The following CSPG4 variants were observed in gnomAD, a reference collection of about 807,000 sequenced individuals.
CSPG4 encodes the protein chondroitin sulfate proteoglycan 4, also known as chondroitin sulfate proteoglycan 4 (melanoma-associated).
Under a neutral mutation model 139.3 loss-of-function variants are expected in CSPG4, and 74 were observed. That is an observed-to-expected ratio of 0.53 (90% confidence interval 0.44 to 0.64). The LOEUF (loss-of-function observed/expected upper bound fraction) is 0.64. Ranked by LOEUF, CSPG4 falls within the 30% of genes least tolerant of loss-of-function variation. CSPG4 has a pLI of 0.00. For synonymous variants in CSPG4, 1,234 were observed against 1,394.2 expected (o/e 0.89, Z 2.56); for missense variants, 2,565 against 3,148.3 (o/e 0.81, Z 4.43).
At chr15:75,693,557 C>T (rs139698148) in intron 1 of CSPG4, among the ~76,000 whole-genome samples, 2 of 152,358 alleles carry the variant, frequency 1.3e-5, no homozygotes, top group East Asian at 3.9e-4. Flanking sequence ...CTCCCCTGGG[C>T]CCCAGAGGAG....
intron 5 of CSPG4, among the ~76,000 whole-genome samples, chr15:75,684,229 G>A (rs981086079): frequency 1.3e-5 from 2 of 152,222 alleles, no homozygotes; most frequent in South Asian, 2.1e-4. Flanking sequence ...TCCATCCCAC[G>A]TCTGGGCCTC....
intron 1 of CSPG4, among the ~76,000 whole-genome samples, chr15:75,697,275 C>T (rs138591431): frequency 0.014 from 2,182 of 152,208 alleles, 24 homozygotes; most frequent in South Asian, 0.034. Context: ...CTCTTTGGCT[C>T]CCTCTTCCCT....
chr15:75,684,280 C>T (rs941508594), intron 5 of CSPG4, among the ~76,000 whole-genome samples: 3 of 152,232 alleles, frequency 2.0e-5, no homozygotes, highest in Admixed American at 6.5e-5. Flanking sequence ...TCTGCCTGAG[C>T]GAAGTTCACC....
rs992648489 is a variant in CSPG4, at chr15:75,690,962, G to A, written c.253-150C>T. 15 of 812,062 alleles carry A rather than the reference G, an allele frequency of 1.8e-5. No individual in the cohort carries two copies. In the Admixed American group the frequency reaches 3.5e-4, roughly 19 times the overall value. The allele number at this position is 812,062 out of a possible 1,614,324, so 50.3% of individuals were successfully genotyped here. A position where few individuals can be genotyped will look rare whatever the true frequency, so the allele number is the denominator to read the frequency against. On this transcript the variant is annotated intron_variant, in intron 2 of 9. Coordinates refer to ENST00000308508, the MANE Select transcript of CSPG4 (RefSeq NM_001897.5). ...GGCCAAGGCAGGCGGATCACCTGAG[G>A]TTAGGAGTTTGAGACCAGCCTGGCC...
intron 2 of CSPG4, among the ~76,000 whole-genome samples, chr15:75,692,023 C>T (rs1475709387): frequency 6.6e-6 from 1 of 152,152 alleles, no homozygotes; most frequent in Non-Finnish European, 1.5e-5. Context: ...TTCTTGTTGC[C>T]CAGGCTGAAG....
intron 5 of CSPG4, 34 bp from the exon 6 acceptor site, chr15:75,683,075 C>A: frequency 6.3e-7 from 1 of 1,586,718 alleles, no homozygotes; most frequent in Non-Finnish European, 8.6e-7. Flanking sequence ...TTCTGCCTTG[C>A]CGCACTCACC....
upstream of CSPG4, among the ~76,000 whole-genome samples, chr15:75,713,435 G>T (rs1404504356): frequency 6.6e-6 from 1 of 152,212 alleles, no homozygotes; most frequent in African/African-American, 2.4e-5. Context: ...CAGGGCAGAA[G>T]AATTCTCAGT....
intron 1 of CSPG4, among the ~76,000 whole-genome samples, chr15:75,695,667 G>T (rs1205500156): frequency 6.6e-6 from 1 of 152,182 alleles, no homozygotes; most frequent in Non-Finnish European, 1.5e-5. Flanking sequence ...GAGGTGGTGG[G>T]GGGGCAGTTG....
At chr15:75,677,559 A>G in intron 9 of CSPG4, 144 bp downstream of exon 9, 1 of 1,205,978 alleles carries the variant, frequency 8.3e-7, no homozygotes, top group Non-Finnish European at 1.2e-6. Context: ...CTGTGATGTC[A>G]AAGCTTCCCC....
At chr15:75,692,624 G>T (rs1414691407) in intron 2 of CSPG4, among the ~76,000 whole-genome samples, 13 of 152,252 alleles carry the variant, frequency 8.5e-5, no homozygotes. Flanking sequence ...CAGTGCCACC[G>T]GGATGCACAG....
chr15:75,683,121 G>T, intron 5 of CSPG4, 80 bp from the exon 6 acceptor site: 3 of 1,399,948 alleles, frequency 2.1e-6, no homozygotes, highest in Non-Finnish European at 2.9e-6. Context: ...TGCCACCAGG[G>T]CTCCAGTCCT....
intron 8 of CSPG4, 131 bp downstream of exon 8, chr15:75,682,162 C>T: frequency 8.3e-7 from 1 of 1,207,034 alleles, no homozygotes; most frequent in Non-Finnish European, 1.2e-6. Flanking sequence ...AGCGCCTGGA[C>T]AATGGCAGGC....
chr15:75,702,010 C>T (rs931363587), intron 1 of CSPG4, among the ~76,000 whole-genome samples: 15 of 152,224 alleles, frequency 9.9e-5, no homozygotes, highest in East Asian at 1.9e-4. Flanking sequence ...ATCCATAAGG[C>T]GGCTGGCCAC....
intron 1 of CSPG4, among the ~76,000 whole-genome samples, chr15:75,709,687 C>G (rs1164832932): frequency 2.0e-5 from 3 of 152,152 alleles, no homozygotes; most frequent in Non-Finnish European, 4.4e-5. Context: ...CCCTCCTGGG[C>G]AGCACGCCCA....
rs1403891210 is a variant in CSPG4 at position 75,712,733 on chromosome 15, G to T, written c.23C>A (p.Pro8Gln). Residue 8 changes from proline (P) to glutamine (Q), a missense_variant, in exon 1 of 10, where the codon CCA becomes CAA. Pro to Gln is a moderately conservative substitution (Grantham distance 76). Coordinates refer to ENST00000308508, the MANE Select transcript of CSPG4 (RefSeq NM_001897.5). MQSGPRP[P>Q]LPAPGLALAL... ...CAAGGCCAGGCCGGGGGCTGGAAGT[G>T]GGGGCCGCGGCCCGGACTGCATCCC... is the stretch of plus-strand genomic sequence containing the variant. The T allele has an allele frequency of 1.9e-6, 3 of 1,556,812 alleles. No homozygotes were observed. The highest frequency in any genetic ancestry group is 4.8e-5 in the East Asian group (2 of 41,946).
At chr15:75,709,177 G>A (rs1282935795) in intron 1 of CSPG4, among the ~76,000 whole-genome samples, 1 of 152,198 alleles carries the variant, frequency 6.6e-6, no homozygotes, top group Non-Finnish European at 1.5e-5. Context: ...TACAAATTCA[G>A]TTCATTCAAA....
At position 75,689,173 on chromosome 15, in the gene CSPG4, C is replaced by A; in HGVS notation, c.1892G>T (p.Arg631Leu). The part of the protein sequence containing the change: ...LEAGSLVYVH[R>L]GGPAQDLTFR... ...CGTCAAGTCCTGTGCAGGACCACCG[C>A]GGTGGACATAGACTAGGCTGCCGGC... is the stretch of plus-strand genomic sequence containing the variant. Residue 631 changes from arginine (R) to leucine (L), a missense_variant, in exon 3 of 10, where the codon CGC (arginine) becomes CTC (leucine). Around this residue, in one of 5 missense-constraint regions of CSPG4, gnomAD observed 2,316 missense variants for 2,818.2 expected, o/e 0.82. Coordinates refer to ENST00000308508, the MANE Select transcript of CSPG4 (RefSeq NM_001897.5). The A allele has an allele frequency of 6.2e-7, 1 of 1,602,822 alleles. No individual in the cohort carries two copies. The highest frequency in any genetic ancestry group is 8.5e-7 in the Non-Finnish European group (1 of 1,175,238).
rs1893878522 is a variant in CSPG4 at position 75,675,681 on chromosome 15, G to C, written c.6838C>G (p.Pro2280Ala). 1.9e-6 allele frequency: 3 copies of C among 1,554,418 alleles called. No homozygotes were observed. The highest frequency in any genetic ancestry group is 2.6e-6 in the Non-Finnish European group (3 of 1,147,676). ...GCTGTGAGCGGGATGGCCTGGCCTGGCTCCACCTTGCGAAAGGTCTCGGTG... is the reference window on the plus strand; with the variant it reads ...GCTGTGAGCGGGATGGCCTGGCCTGCCTCCACCTTGCGAAAGGTCTCGGTG... ...GDTETFRKVE[P>A]GQAIPLTAVP... The change falls in exon 10 of 10, where the codon CCA becomes GCA. Residue 2280 changes from proline to alanine, a missense_variant. Physicochemically the swap from Pro to Ala is conservative, Grantham distance 27. Transcript: ENST00000308508.
In CSPG4 at chr15:75,689,921, G is replaced by A. The variant is rs764741085; in HGVS notation, c.1144C>T (p.Leu382=). The part of the protein sequence containing the change: ...LTRNMAAGCR[L]EEEEYEDDAY... Reference sequence around the variant, plus strand: ...TCGTCCTCATACTCCTCCTCCTCCAGCCTGCAGCCGGCTGCCATGTTGCGC... The same window carrying A: ...TCGTCCTCATACTCCTCCTCCTCCAACCTGCAGCCGGCTGCCATGTTGCGC... Residue 382 remains leucine (L), a synonymous_variant, in exon 3 of 10, where the codon CTG becomes TTG. Transcript: ENST00000308508. 6.2e-7 allele frequency: 1 copy of A among 1,611,812 alleles called. No homozygotes were observed. The highest frequency in any genetic ancestry group is 8.5e-7 in the Non-Finnish European group (1 of 1,179,464).
Sources: allele counts gnomAD v4.1 joint callset (sites outside exome capture counted in the v4.1 genomes callset), GRCh38; gene constraint gnomAD v4.1.1; regional missense constraint gnomAD v4.1.1; transcripts MANE v1.5; gene names NCBI Gene and HGNC (gene_info 2026-07-23, HGNC 2026-07-21).